The following COL4A5 variants were observed in gnomAD, a reference collection of about 807,000 sequenced individuals.
COL4A5 encodes collagen type IV alpha 5 chain.
Under a neutral mutation model 130.2 loss-of-function variants are expected in COL4A5, and 26 were observed. The observed-to-expected ratio is 0.20, with a 90% CI of 0.15 to 0.28. The LOEUF (loss-of-function observed/expected upper bound fraction) is 0.28, where lower values mean the gene tolerates loss of function less well. Ranked by LOEUF, COL4A5 falls within the 10% of genes least tolerant of loss-of-function variation. The probability of loss-of-function intolerance (pLI) is 1.00; values close to 1 mark genes in which losing one functional copy is unlikely to be tolerated. For synonymous variants in COL4A5, 496 were observed against 439.6 expected (o/e 1.13, Z -1.60); for missense variants, 1,131 against 1,344.3 (o/e 0.84, Z 2.48).
At chrX:108,472,535 G>A (rs1020941730) in intron 1 of COL4A5, among the ~76,000 whole-genome samples, 16 of 111,614 alleles carry the variant, frequency 1.4e-4, no homozygotes, top group African/African-American at 4.9e-4. Context: ...GTTTATAATT[G>A]TTATATGTTG....
chrX:108,636,939 CTTTTTTTTTT>C (rs59497827), intron 36 of COL4A5, among the ~76,000 whole-genome samples: 6 of 76,422 alleles, frequency 7.9e-5, no homozygotes, highest in East Asian at 4.1e-4. Context: ...AATGTAATGT[CTTTTTTTTTT>C]TTTTTTTTTT....
rs2066011501 is a variant in COL4A5, at chrX:108,568,655, A to G, written c.303A>G (p.Pro101=). 1 of 1,199,327 alleles carries G rather than the reference A, an allele frequency of 8.3e-7. No homozygotes were observed. The highest frequency in any genetic ancestry group is 1.8e-5 in the African/African-American group (1 of 56,794). ...IRGPPGLPGF[P]GTPGLPGMPG... Reference sequence around the variant, plus strand: ...GTCCTCCTGGACTTCCTGGATTTCCAGGGACACCAGGTCTTCCTGTAAGTA... The same window carrying G: ...GTCCTCCTGGACTTCCTGGATTTCCGGGGACACCAGGTCTTCCTGTAAGTA... Residue 101 remains proline, a synonymous_variant, in exon 5 of 53, where the codon CCA becomes CCG. Transcript: ENST00000328300.
chrX:108,570,247 A>T (rs2066042777), intron 6 of COL4A5, among the ~76,000 whole-genome samples: 1 of 111,950 alleles, frequency 8.9e-6, no homozygotes, highest in South Asian at 3.7e-4. Flanking sequence ...TGATAAGACC[A>T]ATGTGGAGTT....
chrX:108,467,896 G>C (rs2064723121), intron 1 of COL4A5, among the ~76,000 whole-genome samples: 1 of 111,274 alleles, frequency 9.0e-6, no homozygotes, highest in African/African-American at 3.3e-5. Flanking sequence ...TTTATTTGTG[G>C]ATTCTTTAAG....
intron 42 of COL4A5, among the ~76,000 whole-genome samples, chrX:108,673,067 C>G (rs2068236091): frequency 8.9e-6 from 1 of 111,778 alleles, no homozygotes; most frequent in Non-Finnish European, 1.9e-5. Flanking sequence ...CAATTTACAT[C>G]ATATAATGTA....
intron 36 of COL4A5, among the ~76,000 whole-genome samples, chrX:108,642,384 C>T (rs748569071): frequency 9.0e-6 from 1 of 111,289 alleles, no homozygotes; most frequent in Non-Finnish European, 1.9e-5. Context: ...CATACTACCA[C>T]AGCTGATGCT....
In COL4A5 at chrX:108,580,678, A is replaced by G. The variant is rs1343437614; in HGVS notation, c.835-4A>G. 1 of 1,210,288 alleles carries G rather than the reference A, an allele frequency of 8.3e-7. No individual in the cohort carries two copies. Among genetic ancestry groups the G allele is most frequent in the Non-Finnish European group, 1.1e-6 (1 of 894,233 alleles). On this transcript the variant is annotated splice_region_variant and splice_polypyrimidine_tract_variant and intron_variant, in intron 14 of 52. Transcript: ENST00000328300. The stretch of plus-strand genomic sequence containing the variant: ...CCATTGTGAAACTATTTTTATGTGT[A>G]CAGGGTCCCCCAGGTGGTGAGAAAG...
intron 1 of COL4A5, among the ~76,000 whole-genome samples, chrX:108,452,486 C>G (rs1391871023): frequency 8.9e-6 from 1 of 111,751 alleles, no homozygotes; most frequent in Non-Finnish European, 1.9e-5. Context: ...TTGTTTGTAT[C>G]CTCTTTTATT....
At chrX:108,696,242 CAG>C in intron 52 of COL4A5, 53 bp from the exon 53 acceptor site, 1 of 991,144 alleles carries the variant, frequency 1.0e-6, no homozygotes, top group East Asian at 3.0e-5. Flanking sequence ...GAACCAGTAA[CAG>C]AATTGAAATA....
At chrX:108,549,337 G>A (rs2065715001) in intron 2 of COL4A5, among the ~76,000 whole-genome samples, 2 of 111,612 alleles carry the variant, frequency 1.8e-5, no homozygotes, top group South Asian at 7.5e-4. Context: ...TTTCACCAGT[G>A]TAGACTATGT....
rs758605753 is a variant in COL4A5, at chrX:108,580,976, C to A, written c.892-7C>A. The A allele has an allele frequency of 2.5e-6, 3 of 1,203,951 alleles. No individual in the cohort carries two copies. Among genetic ancestry groups the A allele is most frequent in the Non-Finnish European group, 3.4e-6 (3 of 888,857 alleles). ...TTGTTGCCCTATCATTTCTTTGTATCCTATAGGGTAAACCAGGCAAAGATG... is the reference window on the plus strand; with the variant it reads ...TTGTTGCCCTATCATTTCTTTGTATACTATAGGGTAAACCAGGCAAAGATG... On this transcript the variant is annotated splice_polypyrimidine_tract_variant and splice_region_variant and intron_variant, in intron 15 of 52. Transcript: ENST00000328300.
intron 1 of COL4A5, among the ~76,000 whole-genome samples, chrX:108,464,941 T>G (rs2064690068): frequency 8.9e-6 from 1 of 112,074 alleles, no homozygotes; most frequent in Admixed American, 9.5e-5. Context: ...TACAATAAAA[T>G]GTACTAGTTT....
intron 1 of COL4A5, among the ~76,000 whole-genome samples, chrX:108,459,403 A>G (rs186691096): frequency 8.9e-6 from 1 of 111,896 alleles, no homozygotes; most frequent in East Asian, 2.8e-4. Context: ...AATGTTTGAA[A>G]ACATATGCTT....
intron 36 of COL4A5, among the ~76,000 whole-genome samples, chrX:108,639,209 C>T: frequency 9.0e-6 from 1 of 110,669 alleles, no homozygotes. Context: ...AGCAAATAGA[C>T]CAATGTAATA....
chrX:108,666,701 AC>A, intron 39 of COL4A5, 107 bp downstream of exon 39: 1 of 657,002 alleles, frequency 1.5e-6, no homozygotes, highest in Non-Finnish European at 2.4e-6. Flanking sequence ...TTACTAAGCT[AC>A]CACACACTTT....
chrX:108,666,465 T>C (rs781287441), intron 38 of COL4A5, 31 bp from the exon 39 acceptor site: 6 of 1,116,973 alleles, frequency 5.4e-6, no homozygotes, highest in Non-Finnish European at 4.9e-6. Flanking sequence ...ATTGGAAAAC[T>C]GGGTGTAACC....
intron 36 of COL4A5, among the ~76,000 whole-genome samples, chrX:108,646,741 T>G (rs2067598674): frequency 8.9e-6 from 1 of 112,122 alleles, no homozygotes; most frequent in East Asian, 2.8e-4. Flanking sequence ...TTAATCCATC[T>G]TGAATTAATT....
intron 36 of COL4A5, among the ~76,000 whole-genome samples, chrX:108,647,090 T>C (rs1432683384): frequency 9.0e-6 from 1 of 110,880 alleles, no homozygotes; most frequent in East Asian, 2.8e-4. Context: ...ATATGAACTT[T>C]AAAGTAGTTT....
rs1206604102 is a variant in COL4A5 at position 108,697,508 on chromosome X, C to T, written c.*1130C>T. 9.0e-6 allele frequency: 1 copy of T among 110,877 alleles called. No individual in the cohort carries two copies. Among genetic ancestry groups the T allele is most frequent in the Admixed American group, 9.7e-5 (1 of 10,299 alleles). The allele number at this position is 110,877 out of a possible 1,213,427, so 9.1% of individuals were successfully genotyped here. ...CCTGACTTAATGTTTTTTAAACCCA[C>T]CAATATAAATTTAATTAAAGATATA... On this transcript the variant is annotated 3_prime_UTR_variant, in exon 53 of 53. Transcript: ENST00000328300.
Sources: gnomAD v4.1 joint callset for allele counts (sites outside exome capture counted in the v4.1 genomes callset) on GRCh38, gnomAD v4.1.1 for gene constraint, MANE v1.5 for transcripts, NCBI Gene and HGNC (gene_info 2026-07-23, HGNC 2026-07-21) for gene names.